Variants in BICRA observed in about 807,000 individuals in gnomAD.
BICRA encodes BRD4-interacting chromatin-remodeling complex-associated protein.
A neutral mutation model predicts 96.9 loss-of-function variants in BICRA; 31 were observed. The observed-to-expected ratio is 0.32, with a 90% CI of 0.24 to 0.43. The LOEUF is 0.43. BICRA is among the 20% of genes least tolerant of loss of function. The pLI is 1.00. For missense variants in BICRA, 2,283 were observed against 2,190.3 expected (o/e 1.04, Z -0.84); for synonymous variants, 1,350 against 1,071.8 (o/e 1.26, Z -5.07).
chr19:47,694,305 C>T lies in BICRA; in HGVS notation c.2474C>T (p.Pro825Leu), dbSNP rs760619514. Reference protein sequence around the residue: ...SEPPLHPCPPPQAPPTLPGIF... With the variant: ...SEPPLHPCPPLQAPPTLPGIF... ...CCACCCTTGCACCCTTGCCCCCCAC[C>T]CCAGGCCCCCCCAACTCTGCCTGGC... Residue 825 changes from proline (P) to leucine (L), a missense_variant, in exon 8 of 15, where the codon CCC becomes CTC. Physicochemically the swap from Pro to Leu is moderately conservative, Grantham distance 98 (BLOSUM62 -3). Coordinates refer to ENST00000594866, the MANE Select transcript of BICRA (RefSeq NM_001394372.1). 6.7e-5 allele frequency: 66 copies of T among 986,322 alleles called. No homozygotes were observed. Among genetic ancestry groups the T allele is most frequent in the Non-Finnish European group, 9.0e-5 (59 of 652,818 alleles). 61.1% of individuals were successfully genotyped at this position (986,322 alleles called of 1,614,324 possible).
At position 47,702,527 on chromosome 19, in the gene BICRA, TTG is replaced by T; in HGVS notation, c.*113_*114del. On this transcript the variant is annotated 3_prime_UTR_variant, in exon 15 of 15. Transcript: ENST00000594866. Reference sequence around the variant, plus strand: ...GCCGGGGATCCCCTGACGGTTTTTCTTGCCTAAGTTATTTGAGTCACAAAGGC... The same window carrying T: ...GCCGGGGATCCCCTGACGGTTTTTCTCCTAAGTTATTTGAGTCACAAAGGC... 1 of 1,256,350 alleles carries T rather than the reference TTG, an allele frequency of 8.0e-7. No individual in the cohort carries two copies. Among genetic ancestry groups the T allele is most frequent in the Non-Finnish European group, 1.0e-6 (1 of 965,320 alleles). 77.8% of individuals were successfully genotyped at this position (1,256,350 alleles called of 1,614,324 possible). A position where few individuals can be genotyped will look rare whatever the true frequency, so the allele number is the denominator to read the frequency against.
intron 1 of BICRA, among the ~76,000 whole-genome samples, chr19:47,649,657 C>G (rs1972514027): frequency 6.6e-6 from 1 of 152,132 alleles, no homozygotes; most frequent in Admixed American, 6.6e-5. Flanking sequence ...CACATTAAGA[C>G]ATGGTATGAG....
At chr19:47,626,164 T>TA (rs1295197013) in intron 1 of BICRA, 1 of 152,198 alleles carries the variant, frequency 6.6e-6, no homozygotes, top group African/African-American at 2.4e-5. Flanking sequence ...AGCCAGCACT[T>TA]ACCTTGGCTC....
chr19:47,609,716 C>T (rs948535329), intron 1 of BICRA, among the ~76,000 whole-genome samples: 8 of 152,114 alleles, frequency 5.3e-5, no homozygotes, highest in African/African-American at 1.4e-4. Context: ...GGCGGAGAGC[C>T]TGCATCTCCC....
At chr19:47,627,110 A>C (rs1599790674) in intron 1 of BICRA, among the ~76,000 whole-genome samples, 1 of 152,302 alleles carries the variant, frequency 6.6e-6, no homozygotes, top group East Asian at 1.9e-4. Context: ...TCTTGCCCCA[A>C]GAGCCAGCCT....
At chr19:47,685,790 CGCGCGCGCGCAT>C (rs1555790153) in intron 7 of BICRA, among the ~76,000 whole-genome samples, 2 of 88,770 alleles carry the variant, frequency 2.3e-5, no homozygotes, top group Non-Finnish European at 4.8e-5. Flanking sequence ...TGTGTGTGCG[CGCGCGCGCGCAT>C]GCGTACATTT....
chr19:47,645,222 C>T, intron 1 of BICRA, among the ~76,000 whole-genome samples: 1 of 152,154 alleles, frequency 6.6e-6, no homozygotes, highest in East Asian at 1.9e-4. Context: ...GGAGGGTTTC[C>T]TCAGCCTTTC....
At chr19:47,683,561 A>G (rs1568572162) in intron 7 of BICRA, among the ~76,000 whole-genome samples, 1 of 151,434 alleles carries the variant, frequency 6.6e-6, no homozygotes, top group Non-Finnish European at 1.5e-5. Flanking sequence ...TACGAGTCAT[A>G]ACATAACAGG....
At position 47,681,123 on chromosome 19, in the gene BICRA, CA is replaced by C; in HGVS notation, c.1954del (p.Thr652ProfsTer72). The C allele has an allele frequency of 1.3e-6, 2 of 1,489,400 alleles. No individual in the cohort carries two copies. Among genetic ancestry groups the C allele is most frequent in the Admixed American group, 2.0e-5 (1 of 48,986 alleles). 92.3% of individuals were successfully genotyped at this position (1,489,400 alleles called of 1,614,324 possible). A position where few individuals can be genotyped will look rare whatever the true frequency, so the allele number is the denominator to read the frequency against. ...AGGCGCAGCAGCCCCCGCAGGCCCC[CA>C]CCCCACAGGCCGCCGCCCCGCCTCA... ...PQAQQPPQAP[T>X]PQAAAPPQAT... is the part of the protein sequence containing the mutation. On this transcript the variant is annotated frameshift_variant, in exon 6 of 15. Transcript: ENST00000594866. LOFTEE classifies it high-confidence loss of function.
At chr19:47,623,755 G>T (rs1274200185) in intron 1 of BICRA, among the ~76,000 whole-genome samples, 1 of 152,124 alleles carries the variant, frequency 6.6e-6, no homozygotes, top group African/African-American at 2.4e-5. Context: ...TTGGGGCTTG[G>T]GGGTAGGGTA....
At chr19:47,659,040 A>C (rs1054552833) in intron 1 of BICRA, among the ~76,000 whole-genome samples, 7 of 152,202 alleles carry the variant, frequency 4.6e-5, no homozygotes, top group African/African-American at 1.7e-4. Context: ...GAAAAATCCA[A>C]ACCCTTTTGA....
chr19:47,697,552 A>G (rs1447023806), intron 11 of BICRA, among the ~76,000 whole-genome samples: 1 of 151,226 alleles, frequency 6.6e-6, no homozygotes, highest in Admixed American at 6.6e-5. Flanking sequence ...ATCTCGGCTC[A>G]CTGCAACCTC....
chr19:47,641,798 A>T (rs551539559), intron 1 of BICRA, among the ~76,000 whole-genome samples: 143 of 152,042 alleles, frequency 9.4e-4, no homozygotes, highest in Middle Eastern at 3.4e-3. Context: ...ATATATATAT[A>T]TTTTTTCCTT....
chr19:47,639,319 AT>A (rs35509834), intron 1 of BICRA, among the ~76,000 whole-genome samples: 77 of 52,376 alleles, frequency 1.5e-3, no homozygotes, highest in Non-Finnish European at 2.0e-3. Flanking sequence ...CCCACCCTGC[AT>A]TTTTTTTTTT....
chr19:47,619,353 G>T (rs986184940), intron 1 of BICRA, among the ~76,000 whole-genome samples: 1 of 151,708 alleles, frequency 6.6e-6, no homozygotes, highest in African/African-American at 2.4e-5. Context: ...CGCCTCCCGG[G>T]TTCAAGACAT....
intron 1 of BICRA, among the ~76,000 whole-genome samples, chr19:47,640,010 A>G (rs1055315394): frequency 1.3e-5 from 2 of 152,160 alleles, no homozygotes; most frequent in Non-Finnish European, 2.9e-5. Flanking sequence ...TCACAGTGGC[A>G]TGGTATTCCA....
At chr19:47,652,469 T>C (rs535262720) in intron 1 of BICRA, among the ~76,000 whole-genome samples, 4 of 152,260 alleles carry the variant, frequency 2.6e-5, no homozygotes, top group Admixed American at 2.6e-4. Flanking sequence ...ATTACAGGTG[T>C]GAGCCACTGT....
At chr19:47,687,249 CTT>C (rs1451379634) in intron 7 of BICRA, among the ~76,000 whole-genome samples, 1 of 152,028 alleles carries the variant, frequency 6.6e-6, no homozygotes, top group African/African-American at 2.4e-5. Flanking sequence ...TCCAATAAAA[CTT>C]TATTTAAGGA....
At chr19:47,695,342 T>TCGGGCGGG in intron 9 of BICRA, 23 bp from the exon 10 acceptor site, 1 of 630,200 alleles carries the variant, frequency 1.6e-6, no homozygotes, top group African/African-American at 1.9e-5. Flanking sequence ...AGGCCCTGTC[T>TCGGGCGGG]CCCCCACCCC....
Sources: allele counts gnomAD v4.1 joint callset (sites outside exome capture counted in the v4.1 genomes callset), GRCh38; gene constraint gnomAD v4.1.1; transcripts MANE v1.5; gene names NCBI Gene and HGNC (gene_info 2026-07-23, HGNC 2026-07-21).